Variants in PRR16 observed in about 807,000 individuals in gnomAD.
The protein encoded by PRR16 is protein Largen.
In PRR16, 6 loss-of-function variants were observed where a neutral mutation model predicts 18.2. That is an observed-to-expected ratio of 0.33 (90% CI 0.18 to 0.65). The LOEUF is 0.65. Ranked by LOEUF, PRR16 falls within the 30% of genes least tolerant of loss-of-function variation. The pLI, the probability that PRR16 is intolerant of heterozygous loss-of-function variation, is 0.74. For synonymous variants in PRR16, 151 were observed against 147.8 expected, an observed-to-expected ratio of 1.02 and a Z score of -0.16; for missense variants, 412 against 376.6, an observed-to-expected ratio of 1.09 and a Z score of -0.78.
rs141532467 is a variant in PRR16 at position 120,554,882 on chromosome 5, C to G, written c.159+90237C>G. Reference sequence around the variant, plus strand: ...GAAAGATACCTAAACACAGCAGAAGCAGCTACAGCATATCTTTCTGTGTCT... The same window carrying G: ...GAAAGATACCTAAACACAGCAGAAGGAGCTACAGCATATCTTTCTGTGTCT... On this transcript the variant is annotated intron_variant, in intron 1 of 1. Coordinates refer to ENST00000407149, the MANE Select transcript of PRR16 (RefSeq NM_001300783.2). 3.4e-3 allele frequency among the ~76,000 whole-genome samples: 513 copies of G among 152,022 alleles called. 2 individuals carry two copies. The highest frequency in any genetic ancestry group is 0.014 in the Middle Eastern group (4 of 294).
Position 120,628,744 on chromosome 5 carries a change from ATCTATCATCTATCTG to A in PRR16, c.160-57206_160-57192del, listed in dbSNP as rs1561581846. Among the ~76,000 whole-genome samples the A allele has an allele frequency of 4.5e-5, 6 of 132,816 alleles. No homozygotes were observed. In the East Asian group the frequency reaches 1.6e-3, roughly 35 times the overall value. 87.1% of individuals were successfully genotyped at this position (132,816 alleles called of 152,430 possible). On this transcript the variant is annotated intron_variant, in intron 1 of 1. Coordinates refer to ENST00000407149, the MANE Select transcript of PRR16 (RefSeq NM_001300783.2). ...TATCTATCTATCTATCTATCTATCT[ATCTATCATCTATCTG>A]TCTTTCCCATCTAACAGTAAGCATC...
intron 1 of PRR16, among the ~76,000 whole-genome samples, chr5:120,609,694 T>G (rs1389280299): frequency 6.6e-6 from 1 of 152,212 alleles, no homozygotes; most frequent in African/African-American, 2.4e-5. Context: ...GATACTTGCA[T>G]ATAACCTACA....
chr5:120,623,213 G>C (rs965363434), intron 1 of PRR16, among the ~76,000 whole-genome samples: 14 of 151,928 alleles, frequency 9.2e-5, no homozygotes, highest in African/African-American at 2.9e-4. Flanking sequence ...CATATAAAAG[G>C]GGAAAGATTT....
At chr5:120,551,829 G>A (rs1444673827) in intron 1 of PRR16, among the ~76,000 whole-genome samples, 3 of 151,878 alleles carry the variant, frequency 2.0e-5, no homozygotes. Flanking sequence ...TCTCTGACTT[G>A]GTAGAACAGG....
At chr5:120,647,849 C>T (rs1408064559) in intron 1 of PRR16, among the ~76,000 whole-genome samples, 1 of 151,908 alleles carries the variant, frequency 6.6e-6, no homozygotes, top group Non-Finnish European at 1.5e-5. Context: ...GAGAAAACTG[C>T]CAGTTTACAT....
At chr5:120,465,439 G>T (rs1472499754) in intron 1 of PRR16, among the ~76,000 whole-genome samples, 1 of 152,226 alleles carries the variant, frequency 6.6e-6, no homozygotes, top group Admixed American at 6.5e-5. Context: ...CTGCAGCTGG[G>T]ACTGCTTCGG....
chr5:120,530,553 T>G, intron 1 of PRR16, among the ~76,000 whole-genome samples: 1 of 151,932 alleles, frequency 6.6e-6, no homozygotes, highest in Admixed American at 6.6e-5. Flanking sequence ...CTTTAAATAC[T>G]TATGTTTTTC....
intron 1 of PRR16, among the ~76,000 whole-genome samples, chr5:120,573,894 GAT>G: frequency 1.3e-5 from 1 of 79,232 alleles, no homozygotes; most frequent in African/African-American, 4.7e-5. Context: ...TAATTTGTAT[GAT>G]ATGTGTGTAT....
intron 1 of PRR16, among the ~76,000 whole-genome samples, chr5:120,507,224 C>A (rs1050652981): frequency 4.6e-5 from 7 of 152,046 alleles, no homozygotes; most frequent in African/African-American, 1.7e-4. Flanking sequence ...TATATAATAC[C>A]TTGCATCTAC....
the PRR16 span, among the ~76,000 whole-genome samples, chr5:120,780,892 A>C: frequency 2.0e-5 from 3 of 152,246 alleles, no homozygotes; most frequent in South Asian, 4.1e-4. Context: ...GCTACTAAAA[A>C]TACAAAAATT....
intron 1 of PRR16, among the ~76,000 whole-genome samples, chr5:120,626,268 G>C (rs189491572): frequency 5.9e-5 from 9 of 152,236 alleles, no homozygotes. Context: ...ATGGCATACT[G>C]TTTGGCAATG....
At chr5:120,757,311 G>T in the PRR16 span, among the ~76,000 whole-genome samples, 2 of 151,882 alleles carry the variant, frequency 1.3e-5, no homozygotes, top group Admixed American at 6.6e-5. Context: ...TTCTTTTTTG[G>T]TTCCATATGA....
chr5:120,779,789 G>A, the PRR16 span, among the ~76,000 whole-genome samples: 1 of 152,084 alleles, frequency 6.6e-6, no homozygotes, highest in African/African-American at 2.4e-5. Flanking sequence ...TTCATTTCTT[G>A]GCATATCTGC....
the PRR16 span, among the ~76,000 whole-genome samples, chr5:120,706,473 A>C: frequency 7.9e-5 from 12 of 152,186 alleles, no homozygotes; most frequent in Non-Finnish European, 1.5e-4. Flanking sequence ...ATTTAACAAA[A>C]CAGCAAACAC....
intron 1 of PRR16, among the ~76,000 whole-genome samples, chr5:120,535,453 T>G (rs1168652267): frequency 6.6e-6 from 1 of 152,180 alleles, no homozygotes; most frequent in Non-Finnish European, 1.5e-5. Flanking sequence ...ACATTTTCCA[T>G]AGAATAATGA....
chr5:120,665,792 T>C (rs1180135858), intron 1 of PRR16, among the ~76,000 whole-genome samples: 2 of 151,206 alleles, frequency 1.3e-5, no homozygotes, highest in Non-Finnish European at 3.0e-5. Flanking sequence ...ATTTCTGAGG[T>C]CTCTGTTCTG....
intron 1 of PRR16, among the ~76,000 whole-genome samples, chr5:120,626,697 G>A (rs763518706): frequency 1.3e-4 from 20 of 152,078 alleles, no homozygotes; most frequent in Admixed American, 3.3e-4. Context: ...TAAGCATAAA[G>A]CAGACTCGAA....
intron 1 of PRR16, among the ~76,000 whole-genome samples, chr5:120,664,721 C>T (rs1756305482): frequency 6.6e-6 from 1 of 151,204 alleles, no homozygotes; most frequent in African/African-American, 2.4e-5. Flanking sequence ...GGTTTTTTGT[C>T]CTTGCGATAG....
At chr5:120,754,054 C>G in the PRR16 span, among the ~76,000 whole-genome samples, 1 of 120,858 alleles carries the variant, frequency 8.3e-6, no homozygotes, top group Admixed American at 1.0e-4. Flanking sequence ...TATTCATCTG[C>G]TGAGGAAGAC....
Sources: allele counts gnomAD v4.1 joint callset (sites outside exome capture counted in the v4.1 genomes callset), GRCh38; gene constraint gnomAD v4.1.1; transcripts MANE v1.5; gene names NCBI Gene and HGNC (gene_info 2026-07-23, HGNC 2026-07-21).